NOL4: variants seen among roughly 807,000 people sequenced by gnomAD.
NOL4 encodes the protein cancer/testis antigen 125.
NOL4 carries 17 observed loss-of-function variants against 75.9 expected under a neutral mutation model. The observed-to-expected ratio is 0.22, with a 90% CI of 0.15 to 0.34. The LOEUF (loss-of-function observed/expected upper bound fraction) is 0.34. Ranked by LOEUF, NOL4 falls within the 10% of genes least tolerant of loss-of-function variation. The pLI is 1.00. For missense variants in NOL4, 614 were observed against 793.5 expected, an observed-to-expected ratio of 0.77 and a Z score of 2.72; for synonymous variants, 292 against 289.9, an observed-to-expected ratio of 1.01 and a Z score of -0.07.
At chr18:34,164,466 T>C (rs1247925860) in intron 1 of NOL4, among the ~76,000 whole-genome samples, 1 of 152,130 alleles carries the variant, frequency 6.6e-6, no homozygotes. Context: ...AGAAGACATT[T>C]ATGCAGCCAA....
At chr18:34,146,511 G>T (rs1246599620) in intron 1 of NOL4, among the ~76,000 whole-genome samples, 2 of 152,064 alleles carry the variant, frequency 1.3e-5, no homozygotes, top group East Asian at 3.9e-4. Flanking sequence ...GTTTTTGTCA[G>T]CTTTGTCAAA....
chr18:34,072,651 T>A (rs933293673), intron 5 of NOL4, among the ~76,000 whole-genome samples: 1 of 152,190 alleles, frequency 6.6e-6, no homozygotes, highest in African/African-American at 2.4e-5. Context: ...TACCTCTTAT[T>A]TTCATGTGCG....
intron 5 of NOL4, among the ~76,000 whole-genome samples, chr18:34,030,245 A>G (rs985428651): frequency 4.8e-4 from 73 of 152,376 alleles, no homozygotes; most frequent in African/African-American, 1.7e-3. Context: ...TAAAGGATAC[A>G]TGCAAAGAAA....
rs528706802 is a variant in NOL4, at chr18:34,148,509, T to C, written c.265-18489A>G. On this transcript the variant is annotated intron_variant, in intron 1 of 10. Transcript: ENST00000261592. ...TCAGTAGCAGGTTGTTCAGTTTCCATGTACTTGTACAGTTTTGAGTGAGTT... is the reference window on the plus strand; with the variant it reads ...TCAGTAGCAGGTTGTTCAGTTTCCACGTACTTGTACAGTTTTGAGTGAGTT... Among the ~76,000 whole-genome samples, 102 of 152,264 alleles carry C rather than the reference T, an allele frequency of 6.7e-4. 1 individual carries two copies. Among genetic ancestry groups the C allele is most frequent in the Non-Finnish European group, 1.3e-3 (90 of 67,988 alleles).
intron 5 of NOL4, among the ~76,000 whole-genome samples, chr18:34,048,023 A>C (rs2076460220): frequency 6.6e-6 from 1 of 152,170 alleles, no homozygotes; most frequent in Non-Finnish European, 1.5e-5. Context: ...ATAATTAGAA[A>C]AGGACATTTA....
chr18:34,095,703 T>C (rs1408831671), intron 4 of NOL4, among the ~76,000 whole-genome samples: 1 of 152,110 alleles, frequency 6.6e-6, no homozygotes, highest in African/African-American at 2.4e-5. Context: ...TATTACTATA[T>C]GGAATATACA....
Position 33,852,823 on chromosome 18 carries a change from A to T in NOL4, c.*19T>A. On this transcript the variant is annotated 3_prime_UTR_variant, in exon 11 of 11. Coordinates refer to ENST00000261592, the MANE Select transcript of NOL4 (RefSeq NM_003787.5). ...GAAACTGCAAATTTAGACCTCAGTGAATATGGTGGTCGTCTGTCTCAGTTC... is the reference window on the plus strand; with the variant it reads ...GAAACTGCAAATTTAGACCTCAGTGTATATGGTGGTCGTCTGTCTCAGTTC... 6.2e-7 allele frequency: 1 copy of T among 1,601,452 alleles called. No homozygotes were observed. The highest frequency in any genetic ancestry group is 8.5e-7 in the Non-Finnish European group (1 of 1,173,118).
intron 2 of NOL4, among the ~76,000 whole-genome samples, chr18:34,106,195 G>A (rs1481294893): frequency 6.6e-6 from 1 of 152,064 alleles, no homozygotes; most frequent in African/African-American, 2.4e-5. Context: ...AAAATGAGGG[G>A]AAATGTGCAA....
At chr18:33,882,003 T>C (rs974065906) in intron 10 of NOL4, among the ~76,000 whole-genome samples, 1 of 152,200 alleles carries the variant, frequency 6.6e-6, no homozygotes, top group African/African-American at 2.4e-5. Context: ...GCTAGCCATA[T>C]GTAGAAAGCT....
At chr18:34,123,541 A>ATATATATATATATATATGGTTCTC (rs1202538720) in intron 2 of NOL4, among the ~76,000 whole-genome samples, 2 of 140,724 alleles carry the variant, frequency 1.4e-5, no homozygotes, top group Admixed American at 7.0e-5. Flanking sequence ...CCATATATAT[A>ATATATATATATATATATGGTTCTC]TATATATATA....
intron 5 of NOL4, among the ~76,000 whole-genome samples, chr18:34,059,191 C>G (rs910727216): frequency 3.5e-5 from 5 of 142,938 alleles, no homozygotes; most frequent in Non-Finnish European, 7.5e-5. Flanking sequence ...AGATACTTGA[C>G]ATAATTTAGT....
intron 1 of NOL4, among the ~76,000 whole-genome samples, chr18:34,205,299 C>T (rs10445467): frequency 0.78 from 119,148 of 152,008 alleles, 46,904 homozygotes; most frequent in African/African-American, 0.86. Flanking sequence ...GATAAAGAGA[C>T]ATGAAAAGAA....
At chr18:34,181,675 G>A (rs1169802219) in intron 1 of NOL4, among the ~76,000 whole-genome samples, 1 of 151,410 alleles carries the variant, frequency 6.6e-6, no homozygotes, top group Non-Finnish European at 1.5e-5. Context: ...TATTTGAGAA[G>A]GGTCTAATTC....
intron 10 of NOL4, among the ~76,000 whole-genome samples, chr18:33,873,678 C>A (rs190362556): frequency 6.6e-6 from 1 of 152,070 alleles, no homozygotes; most frequent in Non-Finnish European, 1.5e-5. Context: ...CAATTTCTTT[C>A]ACTCAGTCAT....
chr18:33,872,702 T>C (rs1258983814), intron 10 of NOL4, among the ~76,000 whole-genome samples: 2 of 152,024 alleles, frequency 1.3e-5, no homozygotes. Context: ...TATTGAAAAC[T>C]TGAAATAGAT....
At chr18:34,017,948 G>T (rs868382562) in intron 6 of NOL4, among the ~76,000 whole-genome samples, 3 of 152,150 alleles carry the variant, frequency 2.0e-5, no homozygotes, top group African/African-American at 7.2e-5. Flanking sequence ...CAACTCCATT[G>T]TAACAGAGGT....
At chr18:33,856,419 C>T (rs1162111518) in intron 10 of NOL4, among the ~76,000 whole-genome samples, 1 of 151,906 alleles carries the variant, frequency 6.6e-6, no homozygotes, top group Non-Finnish European at 1.5e-5. Flanking sequence ...CAGTGATTTC[C>T]ACATGAACCA....
At chr18:33,943,681 T>C (rs1172668433) in intron 8 of NOL4, among the ~76,000 whole-genome samples, 1 of 151,836 alleles carries the variant, frequency 6.6e-6, no homozygotes, top group Non-Finnish European at 1.5e-5. Context: ...GTGATTACAA[T>C]GGTTTTAAAT....
chr18:33,863,230 A>G (rs1203929320), intron 10 of NOL4, among the ~76,000 whole-genome samples: 1 of 151,096 alleles, frequency 6.6e-6, no homozygotes, highest in Admixed American at 6.6e-5. Flanking sequence ...ATGAGAACAC[A>G]TGGACACAGG....
Sources: gnomAD v4.1 joint callset for allele counts (sites outside exome capture counted in the v4.1 genomes callset) on GRCh38, gnomAD v4.1.1 for gene constraint, MANE v1.5 for transcripts, NCBI Gene and HGNC (gene_info 2026-07-23, HGNC 2026-07-21) for gene names.